Variants in TENM4 observed in about 807,000 individuals in gnomAD.
TENM4 encodes teneurin transmembrane protein 4, also known as teneurin-4.
In TENM4, 82 loss-of-function variants were observed where a neutral mutation model predicts 243.3. That is an observed-to-expected ratio of 0.34 (90% confidence interval 0.28 to 0.40). TENM4 has a LOEUF of 0.40. Ranked by LOEUF, TENM4 falls within the 10% of genes least tolerant of loss-of-function variation. The pLI, the probability that TENM4 is intolerant of heterozygous loss-of-function variation, is 1.00. For synonymous variants in TENM4, 1,412 were observed against 1,456.3 expected (o/e 0.97, Z 0.69); for missense variants, 3,138 against 3,673.3 (o/e 0.85, Z 3.77).
chr11:79,297,836 A>G (rs1241420958), intron 1 of TENM4, among the ~76,000 whole-genome samples: 1 of 152,190 alleles, frequency 6.6e-6, no homozygotes, highest in Non-Finnish European at 1.5e-5. Context: ...TAGATGTCAA[A>G]ATATAAAAGA....
intron 1 of TENM4, among the ~76,000 whole-genome samples, chr11:79,304,261 G>A (rs116621732): frequency 0.013 from 2,012 of 152,288 alleles, 50 homozygotes; most frequent in African/African-American, 0.045. Flanking sequence ...TGCTCACAAA[G>A]TCCCAGGAAT....
Position 79,309,269 on chromosome 11 carries a change from C to T in TENM4, c.-320-11726G>A, listed in dbSNP as rs554982344. ...ATATCTATATGCTGTCAGTTTGCAG[C>T]CCCTTGGGTTTACAGGTAGGCGAAT... On this transcript the variant is annotated intron_variant, in intron 1 of 33. Coordinates refer to ENST00000278550, the MANE Select transcript of TENM4 (RefSeq NM_001098816.3). Among the ~76,000 whole-genome samples, 4 of 152,310 alleles carry T rather than the reference C, an allele frequency of 2.6e-5. No homozygotes were observed. The East Asian group carries it at 7.7e-4, about 29-fold the overall frequency.
At chr11:79,241,765 G>A (rs1855424162) in intron 2 of TENM4, among the ~76,000 whole-genome samples, 1 of 152,042 alleles carries the variant, frequency 6.6e-6, no homozygotes, top group Admixed American at 6.5e-5. Flanking sequence ...GGTTGGTAGG[G>A]TTAAGGAGTG....
At chr11:78,968,264 G>A (rs1459071767) in intron 6 of TENM4, among the ~76,000 whole-genome samples, 1 of 152,158 alleles carries the variant, frequency 6.6e-6, no homozygotes, top group Non-Finnish European at 1.5e-5. Context: ...TGTATAGCCT[G>A]TAGCACCATG....
chr11:79,030,502 A>G (rs948568240), intron 6 of TENM4, among the ~76,000 whole-genome samples: 5 of 152,150 alleles, frequency 3.3e-5, no homozygotes, highest in Admixed American at 6.5e-5. Context: ...CATACCACCA[A>G]TGAAACTCGG....
chr11:78,918,722 A>T, intron 6 of TENM4, among the ~76,000 whole-genome samples: 1 of 152,038 alleles, frequency 6.6e-6, no homozygotes, highest in East Asian at 1.9e-4. Flanking sequence ...TGGGATTCGG[A>T]GGCACATCCC....
At chr11:78,668,040 C>T (rs1404987896) in intron 32 of TENM4, among the ~76,000 whole-genome samples, 2 of 152,098 alleles carry the variant, frequency 1.3e-5, no homozygotes, top group African/African-American at 2.4e-5. Context: ...TAATGGAAGG[C>T]AGAGCTCACT....
At chr11:79,306,231 C>T (rs902497358) in intron 1 of TENM4, among the ~76,000 whole-genome samples, 1 of 152,206 alleles carries the variant, frequency 6.6e-6, no homozygotes, top group Non-Finnish European at 1.5e-5. Flanking sequence ...GTAAAAGAGA[C>T]ACAGCTGTTC....
intron 16 of TENM4, among the ~76,000 whole-genome samples, chr11:78,783,351 A>G (rs910621758): frequency 6.6e-6 from 1 of 152,224 alleles, no homozygotes; most frequent in African/African-American, 2.4e-5. Context: ...CTTCTGGACT[A>G]GGAAAACTGG....
At chr11:78,704,173 A>G (rs1202217058) in intron 27 of TENM4, among the ~76,000 whole-genome samples, 2 of 110,264 alleles carry the variant, frequency 1.8e-5, no homozygotes, top group African/African-American at 5.6e-5. Context: ...ATATATATAT[A>G]TATATATATA....
At chr11:79,374,863 G>A (rs746370418) in intron 1 of TENM4, among the ~76,000 whole-genome samples, 16 of 152,130 alleles carry the variant, frequency 1.1e-4, no homozygotes, top group African/African-American at 2.9e-4. Context: ...GTTGCAAGCC[G>A]GGGGTAATTA....
At chr11:78,795,715 C>T (rs1054275095) in intron 15 of TENM4, among the ~76,000 whole-genome samples, 1 of 152,110 alleles carries the variant, frequency 6.6e-6, no homozygotes, top group Non-Finnish European at 1.5e-5. Context: ...TTAGCTTTTT[C>T]TCCCACAGAC....
chr11:78,715,141 C>A (rs1290036417), intron 25 of TENM4, among the ~76,000 whole-genome samples: 1 of 152,184 alleles, frequency 6.6e-6, no homozygotes, highest in Non-Finnish European at 1.5e-5. Context: ...TAGCAGTAAA[C>A]AGGACAGGTA....
rs1443381145 is a variant in TENM4, at chr11:78,903,440, G to C, written c.577C>G (p.His193Asp). The change falls in exon 7 of 34, where the codon CAC becomes GAC. Residue 193 changes from histidine to aspartate, a missense_variant. Coordinates refer to ENST00000278550, the MANE Select transcript of TENM4 (RefSeq NM_001098816.3). ...LSHAHTPNQH[H>D]AASINSLNRG... ...TTCAGGGAGTTAATGGAGGCCGCGT[G>C]GTGCTGGTTGGGGGTGTGGGCGTGC... The C allele has an allele frequency of 6.5e-7, 1 of 1,548,172 alleles. No homozygotes were observed. Among genetic ancestry groups the C allele is most frequent in the Non-Finnish European group, 8.7e-7 (1 of 1,145,392 alleles).
At chr11:78,814,520 G>A in intron 12 of TENM4, 125 bp from the exon 13 acceptor site, 1 of 703,310 alleles carries the variant, frequency 1.4e-6, no homozygotes, top group Non-Finnish European at 2.4e-6. Flanking sequence ...GTCACTGAAA[G>A]GAATGAATGG....
At chr11:79,331,721 G>A (rs2135445736) in intron 1 of TENM4, among the ~76,000 whole-genome samples, 1 of 152,334 alleles carries the variant, frequency 6.6e-6, no homozygotes, top group South Asian at 2.1e-4. Flanking sequence ...AAATTGTCAA[G>A]CCTAATGGCC....
intron 4 of TENM4, among the ~76,000 whole-genome samples, chr11:79,080,899 T>C (rs1302709940): frequency 1.3e-5 from 2 of 152,200 alleles, no homozygotes; most frequent in African/African-American, 4.8e-5. Context: ...CTGGGCTTAT[T>C]CTGGGACCAC....
chr11:79,136,417 C>G (rs1862111073), intron 4 of TENM4, among the ~76,000 whole-genome samples: 1 of 152,110 alleles, frequency 6.6e-6, no homozygotes, highest in Non-Finnish European at 1.5e-5. Context: ...ACAATGTGGC[C>G]ATGGTGGCAG....
intron 6 of TENM4, among the ~76,000 whole-genome samples, chr11:79,034,599 A>T (rs1006334017): frequency 1.3e-5 from 2 of 151,978 alleles, no homozygotes; most frequent in Non-Finnish European, 2.9e-5. Flanking sequence ...ATTTTTTTTT[A>T]AATTAGGTAT....
Sources: allele counts gnomAD v4.1 joint callset (sites outside exome capture counted in the v4.1 genomes callset), GRCh38; gene constraint gnomAD v4.1.1; transcripts MANE v1.5; gene names NCBI Gene and HGNC (gene_info 2026-07-23, HGNC 2026-07-21).